The following MANBA variants were observed in gnomAD, a reference collection of about 807,000 sequenced individuals.
MANBA encodes the protein beta-mannosidase.
A neutral mutation model predicts 111.1 loss-of-function variants in MANBA; 83 were observed. That is an observed-to-expected ratio of 0.75 (90% CI 0.63 to 0.90). MANBA has a LOEUF of 0.90. Ranked by LOEUF, MANBA falls within the 40% of genes least tolerant of loss-of-function variation. MANBA has a pLI of 0.00. For missense variants in MANBA, 1,036 were observed against 1,069.0 expected, an observed-to-expected ratio of 0.97 and a Z score of 0.43; for synonymous variants, 370 against 378.7, an observed-to-expected ratio of 0.98 and a Z score of 0.27.
intron 5 of MANBA, among the ~76,000 whole-genome samples, chr4:102,707,570 C>T (rs1035712731): frequency 6.6e-6 from 1 of 152,022 alleles, no homozygotes; most frequent in Non-Finnish European, 1.5e-5. Flanking sequence ...CACCAAACCA[C>T]AGTGATAAAC....
At chr4:102,715,217 G>A (rs1324363728) in intron 4 of MANBA, among the ~76,000 whole-genome samples, 1 of 152,212 alleles carries the variant, frequency 6.6e-6, no homozygotes, top group Non-Finnish European at 1.5e-5. Context: ...TCTTGGCCAA[G>A]AGGGAAGCCA....
At chr4:102,726,785 T>C in intron 1 of MANBA, 102 bp from the exon 2 acceptor site, 1 of 713,906 alleles carries the variant, frequency 1.4e-6, no homozygotes, top group Non-Finnish European at 2.5e-6. Flanking sequence ...ATTTATCACC[T>C]AAAAATTAAC....
chr4:102,663,758 C>T (rs753880995), intron 11 of MANBA, among the ~76,000 whole-genome samples: 5 of 152,038 alleles, frequency 3.3e-5, no homozygotes, highest in Non-Finnish European at 7.4e-5. Context: ...GTAAAGACAA[C>T]CAGATTATTA....
At position 102,708,742 on chromosome 4, in the gene MANBA, C is replaced by A. The variant is rs1030187346; in HGVS notation, c.673+5696G>T. 1.3e-5 allele frequency among the ~76,000 whole-genome samples: 2 copies of A among 151,638 alleles called. 1 individual carries two copies. Among genetic ancestry groups the A allele is most frequent in the South Asian group, 4.2e-4 (2 of 4,814 alleles). On this transcript the variant is annotated intron_variant, in intron 5 of 16. Coordinates refer to ENST00000647097, the MANE Select transcript of MANBA (RefSeq NM_005908.4). ...GTTTTTTGAAAACAAGATTGATAAA[C>A]CCCTATGTAGACTAATCAAGGAGAA...
chr4:102,688,159 C>T (rs1411306205), intron 7 of MANBA, among the ~76,000 whole-genome samples: 1 of 152,034 alleles, frequency 6.6e-6, no homozygotes, highest in Non-Finnish European at 1.5e-5. Flanking sequence ...GAAAACAACA[C>T]ACAACAAACT....
intron 1 of MANBA, among the ~76,000 whole-genome samples, chr4:102,736,746 A>C (rs1241337642): frequency 1.3e-5 from 2 of 152,256 alleles, no homozygotes. Flanking sequence ...TTGGATGAAC[A>C]GAACAGCATG....
chr4:102,737,514 G>A (rs530732495), intron 1 of MANBA, among the ~76,000 whole-genome samples: 5 of 151,556 alleles, frequency 3.3e-5, no homozygotes, highest in Admixed American at 6.6e-5. Flanking sequence ...ATGGAGTCTC[G>A]CTCTGTCACC....
chr4:102,734,566 T>C, intron 1 of MANBA: 1 of 1,608,048 alleles, frequency 6.2e-7, no homozygotes, highest in Non-Finnish European at 8.5e-7. Context: ...AAGGCTACTG[T>C]TCCTTCTGTG....
At chr4:102,756,259 T>TATACACC (rs2110214458) in intron 1 of MANBA, among the ~76,000 whole-genome samples, 2 of 152,196 alleles carry the variant, frequency 1.3e-5, no homozygotes, top group African/African-American at 4.8e-5. Context: ...ATTAAGAAAA[T>TATACACC]GTGGCACATA....
intron 1 of MANBA, chr4:102,751,308 G>A: frequency 3.0e-6 from 1 of 338,156 alleles, no homozygotes; most frequent in South Asian, 2.4e-5. Flanking sequence ...GCTTACCTGT[G>A]CAGTCTAATT....
intron 8 of MANBA, chr4:102,672,127 A>C: frequency 2.5e-6 from 1 of 398,644 alleles, no homozygotes; most frequent in Non-Finnish European, 4.4e-6. Context: ...CTGGAGAAGA[A>C]TTTCATTTTC....
chr4:102,760,569 C>T (rs1578968383), intron 1 of MANBA, 149 bp downstream of exon 1: 1 of 913,386 alleles, frequency 1.1e-6, no homozygotes, highest in Non-Finnish European at 1.6e-6. Flanking sequence ...TGGGCATTTC[C>T]CCCCGCAGAT....
intron 1 of MANBA, among the ~76,000 whole-genome samples, chr4:102,747,973 G>A (rs966258265): frequency 1.3e-5 from 2 of 152,202 alleles, no homozygotes; most frequent in African/African-American, 2.4e-5. Context: ...CCTCATGAAA[G>A]GTTAGAATAA....
rs1276130954 is a variant in MANBA at position 102,630,974 on chromosome 4, A to C, written c.*1083T>G. On this transcript the variant is annotated 3_prime_UTR_variant, in exon 17 of 17. Coordinates refer to ENST00000647097, the MANE Select transcript of MANBA (RefSeq NM_005908.4). ...AACATGCACAGGTGTCAAGAAGAGC[A>C]GTCCTCCCTGCCTCGCAGCAATGCT... The C allele has an allele frequency of 6.6e-6, 1 of 152,238 alleles. No individual in the cohort carries two copies. The highest frequency in any genetic ancestry group is 2.4e-5 in the African/African-American group (1 of 41,452). The allele number at this position is 152,238 out of a possible 1,614,324, so 9.4% of individuals were successfully genotyped here. A position where few individuals can be genotyped will look rare whatever the true frequency, so the allele number is the denominator to read the frequency against.
intron 14 of MANBA, among the ~76,000 whole-genome samples, chr4:102,636,649 G>A (rs183780571): frequency 7.8e-4 from 118 of 152,194 alleles, no homozygotes; most frequent in African/African-American, 2.7e-3. Flanking sequence ...GGGCTGTGAG[G>A]CCCCCAGAGC....
In MANBA at chr4:102,657,841, T is replaced by C. The variant is rs779974888; in HGVS notation, c.1545A>G (p.Ala515=). 8.1e-6 allele frequency: 13 copies of C among 1,613,878 alleles called. No homozygotes were observed. The highest frequency in any genetic ancestry group is 1.1e-5 in the Non-Finnish European group (13 of 1,179,868). ...SSPTNGAETV[A]EAWVSQNPNS... ...TAGGGTTTTGAGAGACCCAGGCTTCTGCAACAGTTTCAGCCCCATTTGTAG... is the reference window on the plus strand; with the variant it reads ...TAGGGTTTTGAGAGACCCAGGCTTCCGCAACAGTTTCAGCCCCATTTGTAG... Residue 515 remains alanine (A), a synonymous_variant, in exon 12 of 17, where the codon GCA becomes GCG. Coordinates refer to ENST00000647097, the MANE Select transcript of MANBA (RefSeq NM_005908.4).
At chr4:102,686,990 C>G (rs935464611) in intron 7 of MANBA, among the ~76,000 whole-genome samples, 4 of 152,152 alleles carry the variant, frequency 2.6e-5, no homozygotes, top group African/African-American at 7.2e-5. Context: ...GTCTCTCAAT[C>G]ACCCCACACA....
Position 102,722,851 on chromosome 4 carries a change from C to G in MANBA, c.549+20G>C, listed in dbSNP as rs1416443366. 1 of 1,612,162 alleles carries G rather than the reference C, an allele frequency of 6.2e-7. No homozygotes were observed. Among genetic ancestry groups the G allele is most frequent in the African/African-American group, 1.3e-5 (1 of 74,820 alleles). ...CCCCGTCCTCAAAAATAAAACCCGA[C>G]CTGTTTGAGAGACCATTACCTTCCG... On this transcript the variant is annotated intron_variant, in intron 4 of 16. Coordinates refer to ENST00000647097, the MANE Select transcript of MANBA (RefSeq NM_005908.4).
At chr4:102,669,581 C>A (rs1346345016) in intron 9 of MANBA, among the ~76,000 whole-genome samples, 3 of 152,230 alleles carry the variant, frequency 2.0e-5, no homozygotes, top group Admixed American at 2.0e-4. Context: ...CAGTGGCTCA[C>A]GCCTGTAATC....
Sources: allele counts gnomAD v4.1 joint callset (sites outside exome capture counted in the v4.1 genomes callset), GRCh38; gene constraint gnomAD v4.1.1; transcripts MANE v1.5; gene names NCBI Gene and HGNC (gene_info 2026-07-23, HGNC 2026-07-21).